CCDC7: variants seen among roughly 807,000 people sequenced by gnomAD.
CCDC7 encodes coiled-coil domain containing 7.
CCDC7 carries 183 observed loss-of-function variants against 196.9 expected under a neutral mutation model. The observed-to-expected ratio is 0.93, with a 90% confidence interval of 0.82 to 1.05. The LOEUF (loss-of-function observed/expected upper bound fraction) is 1.05, where lower values mean the gene tolerates loss of function less well. CCDC7 is among the 50% of genes least tolerant of loss of function. The pLI, the probability that CCDC7 is intolerant of heterozygous loss-of-function variation, is 0.00. For synonymous variants in CCDC7, 525 were observed against 484.6 expected, an observed-to-expected ratio of 1.08 and a Z score of -1.10; for missense variants, 1,540 against 1,482.2, an observed-to-expected ratio of 1.04 and a Z score of -0.64.
intron 16 of CCDC7, among the ~76,000 whole-genome samples, chr10:32,572,866 CTTTTTTTT>C (rs576270039): frequency 1.1e-5 from 1 of 90,354 alleles, no homozygotes; most frequent in Non-Finnish European, 2.0e-5. Flanking sequence ...AAGCATGGTG[CTTTTTTTT>C]TTTTTTTTTT....
chr10:32,572,116 T>C (rs2057641809), intron 16 of CCDC7, among the ~76,000 whole-genome samples: 1 of 152,114 alleles, frequency 6.6e-6, no homozygotes, highest in African/African-American at 2.4e-5. Context: ...TTAAGGACAA[T>C]GTAGAAACAA....
At chr10:32,760,109 G>A (rs1339229781) in intron 28 of CCDC7, among the ~76,000 whole-genome samples, 1 of 152,148 alleles carries the variant, frequency 6.6e-6, no homozygotes, top group Non-Finnish European at 1.5e-5. Context: ...GTGCTAGAGA[G>A]GATGTGGAGA....
At chr10:32,835,714 G>A (rs2092549044) in intron 33 of CCDC7, among the ~76,000 whole-genome samples, 3 of 152,018 alleles carry the variant, frequency 2.0e-5, no homozygotes, top group Admixed American at 6.6e-5. Context: ...GACAGGATCA[G>A]GAAAAATAAC....
chr10:32,723,376 G>A (rs2082679486), intron 25 of CCDC7, among the ~76,000 whole-genome samples: 1 of 152,094 alleles, frequency 6.6e-6, no homozygotes, highest in Non-Finnish European at 1.5e-5. Context: ...GGCCTTATGA[G>A]GATGTTTAAT....
intron 20 of CCDC7, among the ~76,000 whole-genome samples, chr10:32,648,963 A>T (rs1182060819): frequency 6.6e-6 from 1 of 152,220 alleles, no homozygotes; most frequent in African/African-American, 2.4e-5. Context: ...TATTCCATGG[A>T]ATACTATGCA....
At chr10:32,621,528 C>T (rs1048793187) in intron 18 of CCDC7, among the ~76,000 whole-genome samples, 1 of 152,084 alleles carries the variant, frequency 6.6e-6, no homozygotes, top group African/African-American at 2.4e-5. Context: ...AGAATTGGCT[C>T]ACATGATAAT....
At chr10:32,839,477 TGC>T (rs2092832081) in intron 33 of CCDC7, among the ~76,000 whole-genome samples, 1 of 151,974 alleles carries the variant, frequency 6.6e-6, no homozygotes, top group Admixed American at 6.6e-5. Flanking sequence ...TAAATGTATA[TGC>T]ACCTAACACT....
intron 32 of CCDC7, 93 bp downstream of exon 33, chr10:32,824,697 AT>A (rs1169505442): frequency 4.2e-6 from 3 of 713,862 alleles, no homozygotes; most frequent in Non-Finnish European, 7.0e-6. Context: ...CCTATATGTA[AT>A]TATCACGTGA....
intron 20 of CCDC7, among the ~76,000 whole-genome samples, chr10:32,641,125 G>A (rs184663905): frequency 2.0e-5 from 3 of 152,162 alleles, no homozygotes; most frequent in East Asian, 3.9e-4. Flanking sequence ...TGACAATTAT[G>A]TGTCTTGGAG....
chr10:32,718,165 C>G (rs531567131), intron 25 of CCDC7, among the ~76,000 whole-genome samples: 1 of 152,204 alleles, frequency 6.6e-6, no homozygotes, highest in South Asian at 2.1e-4. Flanking sequence ...TCCAGCTGCA[C>G]GTTAAAAAGC....
intron 28 of CCDC7, among the ~76,000 whole-genome samples, chr10:32,773,551 C>A (rs947302284): frequency 6.6e-6 from 1 of 151,852 alleles, no homozygotes; most frequent in Non-Finnish European, 1.5e-5. Flanking sequence ...GGTTAAATTT[C>A]TAATTTTGTT....
At chr10:32,868,429 T>G (rs574518912) in intron 41 of CCDC7, among the ~76,000 whole-genome samples, 2 of 152,154 alleles carry the variant, frequency 1.3e-5, no homozygotes, top group African/African-American at 4.8e-5. Flanking sequence ...ACCTCAATTC[T>G]CATATGGATC....
chr10:32,786,345 G>GA (rs1353916230), intron 29 of CCDC7, among the ~76,000 whole-genome samples: 3 of 152,000 alleles, frequency 2.0e-5, no homozygotes, highest in Non-Finnish European at 4.4e-5. Context: ...ACTTTCAATA[G>GA]AAAAAAATTA....
intron 24 of CCDC7, among the ~76,000 whole-genome samples, chr10:32,709,319 C>G (rs1392735095): frequency 9.6e-6 from 1 of 103,898 alleles, no homozygotes; most frequent in Non-Finnish European, 1.8e-5. Flanking sequence ...CGAGGCCTAT[C>G]GTGGGTGGGG....
intron 9 of CCDC7, among the ~76,000 whole-genome samples, chr10:32,499,536 G>T (rs2043527516): frequency 6.6e-6 from 1 of 151,814 alleles, no homozygotes. Flanking sequence ...GTCATTATGG[G>T]AGAGGGTGAC....
At chr10:32,674,389 T>C (rs992723599) in intron 21 of CCDC7, among the ~76,000 whole-genome samples, 3 of 152,074 alleles carry the variant, frequency 2.0e-5, no homozygotes, top group African/African-American at 4.8e-5. Context: ...GTATTTGTGA[T>C]TTTTTTCCAT....
At chr10:32,494,244 C>A (rs2042568076) in intron 9 of CCDC7, among the ~76,000 whole-genome samples, 1 of 152,054 alleles carries the variant, frequency 6.6e-6, no homozygotes, top group Non-Finnish European at 1.5e-5. Context: ...CTATTTCATT[C>A]TTCTGTAGTC....
chr10:32,535,044 A>G (rs189173717), intron 11 of CCDC7, among the ~76,000 whole-genome samples: 3 of 151,838 alleles, frequency 2.0e-5, no homozygotes, highest in Admixed American at 2.0e-4. Flanking sequence ...GTCGCAGGAC[A>G]GAATGTGAGG....
chr10:32,710,751 CT>C (rs139784985), intron 24 of CCDC7, among the ~76,000 whole-genome samples: 21 of 152,290 alleles, frequency 1.4e-4, no homozygotes, highest in Non-Finnish European at 2.8e-4. Context: ...ATGCTTTTTG[CT>C]TTTCCAGAAA....
Sources: gnomAD v4.1 joint callset for allele counts (sites outside exome capture counted in the v4.1 genomes callset) on GRCh38, gnomAD v4.1.1 for gene constraint, MANE v1.5 for transcripts, NCBI Gene and HGNC (gene_info 2026-07-23, HGNC 2026-07-21) for gene names.